Variants in EML4 observed in about 807,000 individuals in gnomAD.
The protein encoded by EML4 is EMAP like 4.
Under a neutral mutation model 129.0 loss-of-function variants are expected in EML4, and 72 were observed. The ratio of observed to expected loss-of-function variants is 0.56; its 90% CI spans 0.46 to 0.68. The LOEUF is 0.68. Ranked by LOEUF, EML4 falls within the 30% of genes least tolerant of loss-of-function variation. The pLI is 0.00. For missense variants in EML4, 1,363 were observed against 1,190.6 expected (o/e 1.14, Z -2.13); for synonymous variants, 532 against 405.0 (o/e 1.31, Z -3.77).
chr2:42,222,787 GTTTGT>G lies in EML4; in HGVS notation c.26-22694_26-22690del, dbSNP rs149486569. Among the ~76,000 whole-genome samples, 378 of 150,966 alleles carry G rather than the reference GTTTGT, an allele frequency of 2.5e-3. 3 individuals carry two copies. Among genetic ancestry groups the G allele is most frequent in the African/African-American group, 7.3e-3 (301 of 41,190 alleles). Reference sequence around the variant, plus strand: ...TATATAGAAATATAACGGTTCTTTTGTTTGTTTTGTTTTGTTTTGTTTTGTTTTTG... The same window carrying G: ...TATATAGAAATATAACGGTTCTTTTGTTTGTTTTGTTTTGTTTTGTTTTTG... On this transcript the variant is annotated intron_variant, in intron 1 of 22. Coordinates refer to ENST00000318522, the MANE Select transcript of EML4 (RefSeq NM_019063.5).
At chr2:42,299,619 A>G (rs780410453) in intron 13 of EML4, among the ~76,000 whole-genome samples, 1 of 152,200 alleles carries the variant, frequency 6.6e-6, no homozygotes, top group African/African-American at 2.4e-5. Context: ...ATGACATTTC[A>G]TATAAATGGA....
intron 19 of EML4, among the ~76,000 whole-genome samples, chr2:42,321,932 T>G (rs1669545689): frequency 6.6e-6 from 1 of 152,248 alleles, no homozygotes; most frequent in African/African-American, 2.4e-5. Flanking sequence ...CTGAAAGAAT[T>G]AGACATAGCA....
At chr2:42,183,700 A>G (rs1671084233) in intron 1 of EML4, among the ~76,000 whole-genome samples, 1 of 152,128 alleles carries the variant, frequency 6.6e-6, no homozygotes, top group Non-Finnish European at 1.5e-5. Context: ...AGTATAAATA[A>G]TATACTATGC....
At chr2:42,213,348 T>G (rs932098720) in intron 1 of EML4, among the ~76,000 whole-genome samples, 7 of 152,200 alleles carry the variant, frequency 4.6e-5, no homozygotes, top group Admixed American at 1.3e-4. Context: ...CAGTATGGCT[T>G]CTTGTGTCTG....
Position 42,303,450 on chromosome 2 carries a change from A to C in EML4, c.1899+4A>C, listed in dbSNP as rs374872010. ...GGAATGGACCAGGCTGGTAGATGTGAGTGAAGCAGGATGTGATTATTAACC... is the reference window on the plus strand; with the variant it reads ...GGAATGGACCAGGCTGGTAGATGTGCGTGAAGCAGGATGTGATTATTAACC... On this transcript the variant is annotated splice_donor_region_variant and intron_variant, in intron 16 of 22. Coordinates refer to ENST00000318522, the MANE Select transcript of EML4 (RefSeq NM_019063.5). 1.9e-6 allele frequency: 3 copies of C among 1,612,908 alleles called. No individual in the cohort carries two copies. The African/African-American group carries it at 4.0e-5, about 22-fold the overall frequency.
At position 42,261,160 on chromosome 2, in the gene EML4, A is replaced by AG. The variant is rs1431706650; in HGVS notation, c.379dup (p.Glu127GlyfsTer9). 1.2e-6 allele frequency: 2 copies of AG among 1,613,590 alleles called. No individual in the cohort carries two copies. The highest frequency in any genetic ancestry group is 1.7e-6 in the Non-Finnish European group (2 of 1,179,730). ...AGAAAGAAAAACCACAAGGACAGAG[A>AG]GAAAAAAAAGAGGAATCTCATTCTA... On this transcript the variant is annotated frameshift_variant, in exon 4 of 23. Transcript: ENST00000318522. LOFTEE classifies it high-confidence loss of function.
At chr2:42,232,385 T>G (rs1170976301) in intron 1 of EML4, among the ~76,000 whole-genome samples, 1 of 152,232 alleles carries the variant, frequency 6.6e-6, no homozygotes, top group Non-Finnish European at 1.5e-5. Context: ...AATCATTTAA[T>G]TTGGGTCCAT....
At chr2:42,223,912 A>G (rs1029590023) in intron 1 of EML4, among the ~76,000 whole-genome samples, 1 of 152,140 alleles carries the variant, frequency 6.6e-6, no homozygotes, top group Non-Finnish European at 1.5e-5. Context: ...TCACATACTA[A>G]TAATACCACT....
intron 1 of EML4, among the ~76,000 whole-genome samples, chr2:42,232,473 C>T (rs80232861): frequency 0.012 from 1,897 of 152,222 alleles, 35 homozygotes; most frequent in African/African-American, 0.043. Context: ...TCAAGTATAA[C>T]GACATACAAT....
intron 1 of EML4, among the ~76,000 whole-genome samples, chr2:42,171,927 T>C (rs1670306091): frequency 1.3e-5 from 2 of 152,218 alleles, no homozygotes; most frequent in Non-Finnish European, 1.5e-5. Flanking sequence ...TGCTCAGCTC[T>C]TGCCAAATTG....
chr2:42,220,793 C>T lies in EML4; in HGVS notation c.26-24712C>T, dbSNP rs186498112. Among the ~76,000 whole-genome samples the T allele has an allele frequency of 1.4e-4, 22 of 152,250 alleles. No individual in the cohort carries two copies. The East Asian group carries it at 4.2e-3, about 29-fold the overall frequency. ...GAAAAAGTTTCTGAAGAGTGCTACT[C>T]CAGTGAACATATGAATGATAAAGTT... On this transcript the variant is annotated intron_variant, in intron 1 of 22. Transcript: ENST00000318522.
intron 1 of EML4, among the ~76,000 whole-genome samples, chr2:42,174,881 G>A (rs1307711562): frequency 7.6e-5 from 11 of 145,234 alleles, no homozygotes; most frequent in African/African-American, 2.3e-4. Context: ...GCAATGGCGC[G>A]ATCTCGGCTC....
In EML4 at chr2:42,303,534, G is replaced by A. The variant is rs1668416743; in HGVS notation, c.1899+88G>A. The A allele has an allele frequency of 2.1e-6, 3 of 1,431,936 alleles. No individual in the cohort carries two copies. The Admixed American group carries it at 5.6e-5, about 27-fold the overall frequency. The allele number at this position is 1,431,936 out of a possible 1,614,324, so 88.7% of individuals were successfully genotyped here. On this transcript the variant is annotated intron_variant, in intron 16 of 22. Transcript: ENST00000318522. ...AGCAGCAAAGTAAAAAGGACTAAGT[G>A]TTGATTCAAACCAAATGTAAACATA...
At chr2:42,180,755 C>G (rs192317126) in intron 1 of EML4, among the ~76,000 whole-genome samples, 16 of 152,358 alleles carry the variant, frequency 1.1e-4, no homozygotes, top group South Asian at 8.3e-4. Context: ...TACTAATTCT[C>G]AGACCCATTC....
At chr2:42,209,181 A>AT (rs898043696) in intron 1 of EML4, among the ~76,000 whole-genome samples, 2 of 152,242 alleles carry the variant, frequency 1.3e-5, no homozygotes, top group African/African-American at 2.4e-5. Flanking sequence ...TCAAGGCCCT[A>AT]TATAGCTAAA....
At chr2:42,194,103 T>C (rs1312974756) in intron 1 of EML4, among the ~76,000 whole-genome samples, 1 of 152,218 alleles carries the variant, frequency 6.6e-6, no homozygotes, top group Admixed American at 6.5e-5. Flanking sequence ...TAATCATTGT[T>C]TTTATAGCCT....
At chr2:42,290,069 A>G (rs1026300948) in intron 11 of EML4, among the ~76,000 whole-genome samples, 6 of 152,052 alleles carry the variant, frequency 3.9e-5, no homozygotes, top group African/African-American at 1.2e-4. Context: ...CCTGGGCGAC[A>G]GAGCAAGACT....
chr2:42,233,661 G>A (rs1674490295), intron 1 of EML4, among the ~76,000 whole-genome samples: 1 of 152,010 alleles, frequency 6.6e-6, no homozygotes, highest in Admixed American at 6.6e-5. Context: ...AAACAACTTG[G>A]AAACTTAGTT....
chr2:42,187,925 A>C (rs183985698), intron 1 of EML4, among the ~76,000 whole-genome samples: 2 of 152,220 alleles, frequency 1.3e-5, no homozygotes, highest in Non-Finnish European at 2.9e-5. Context: ...ATTTTTGCCT[A>C]ACCCAGGGTC....
Sources: allele counts gnomAD v4.1 joint callset (sites outside exome capture counted in the v4.1 genomes callset), GRCh38; gene constraint gnomAD v4.1.1; transcripts MANE v1.5; gene names NCBI Gene and HGNC (gene_info 2026-07-23, HGNC 2026-07-21).